ST7: variants seen among roughly 807,000 people sequenced by gnomAD.
The protein encoded by ST7 is suppressor of tumorigenicity 7 protein.
In ST7, 28 loss-of-function variants were observed where a neutral mutation model predicts 78.7. That is an observed-to-expected ratio of 0.36 (90% CI 0.26 to 0.49). The LOEUF (loss-of-function observed/expected upper bound fraction) is 0.49. ST7 is among the 20% of genes least tolerant of loss of function. The probability of loss-of-function intolerance (pLI) is 0.99; values close to 1 mark genes in which losing one functional copy is unlikely to be tolerated. For synonymous variants in ST7, 247 were observed against 249.6 expected (o/e 0.99, Z 0.10); for missense variants, 418 against 696.0 (o/e 0.60, Z 4.49).
At chr7:117,107,431 A>AT (rs1179051198) in intron 2 of ST7, among the ~76,000 whole-genome samples, 2 of 151,548 alleles carry the variant, frequency 1.3e-5, no homozygotes, top group Admixed American at 1.3e-4. Flanking sequence ...CATATCTATT[A>AT]TTTTTTTACT....
At chr7:117,051,639 A>C (rs979994737) in intron 1 of ST7, among the ~76,000 whole-genome samples, 2 of 152,224 alleles carry the variant, frequency 1.3e-5, no homozygotes, top group African/African-American at 4.8e-5. Context: ...CAGGAGTGGA[A>C]GCAGGAGGCC....
intron 9 of ST7, among the ~76,000 whole-genome samples, chr7:117,149,118 G>A (rs1044500983): frequency 1.3e-5 from 2 of 152,172 alleles, no homozygotes; most frequent in Non-Finnish European, 2.9e-5. Flanking sequence ...GTTAAGAGCA[G>A]ATACCCTGGT....
chr7:117,051,713 G>A (rs537668728), intron 1 of ST7, among the ~76,000 whole-genome samples: 1 of 152,324 alleles, frequency 6.6e-6, no homozygotes, highest in African/African-American at 2.4e-5. Context: ...TCAAGGTGGA[G>A]AGAGAGGGAG....
intron 5 of ST7, 102 bp from the exon 6 acceptor site, chr7:117,131,783 T>C: frequency 1.9e-6 from 2 of 1,039,916 alleles, no homozygotes; most frequent in Non-Finnish European, 2.9e-6. Context: ...AAATATGTTC[T>C]TGTAATTTAA....
chr7:117,009,369 A>C (rs890873072), intron 1 of ST7, among the ~76,000 whole-genome samples: 4 of 150,132 alleles, frequency 2.7e-5, no homozygotes, highest in Non-Finnish European at 5.9e-5. Context: ...CAATCATGTG[A>C]ACAGACCAAA....
chr7:116,958,879 G>C (rs1186430045), intron 1 of ST7, among the ~76,000 whole-genome samples: 1 of 152,182 alleles, frequency 6.6e-6, no homozygotes, highest in Non-Finnish European at 1.5e-5. Context: ...CTGGTAGAGA[G>C]TCTTGCCTTG....
intron 1 of ST7, among the ~76,000 whole-genome samples, chr7:117,036,663 A>G (rs1266564792): frequency 2.0e-5 from 3 of 152,290 alleles, no homozygotes; most frequent in African/African-American, 7.2e-5. Flanking sequence ...TTTAGGTGGC[A>G]ATTGTCTTTC....
chr7:116,970,793 A>G (rs1793377520), intron 1 of ST7, among the ~76,000 whole-genome samples: 1 of 152,102 alleles, frequency 6.6e-6, no homozygotes. Flanking sequence ...CTGTTTGTAT[A>G]TTCACTCTTT....
rs144913619 is a variant in ST7 at position 117,115,950 on chromosome 7, T to C, written c.235-3611T>C. Among the ~76,000 whole-genome samples, 217 of 152,280 alleles carry C rather than the reference T, an allele frequency of 1.4e-3. 2 individuals are homozygous for C. The East Asian group carries it at 0.022, about 15-fold the overall frequency. On this transcript the variant is annotated intron_variant, in intron 2 of 15. Coordinates refer to ENST00000323984, the MANE Select transcript of ST7 (RefSeq NM_001369598.1). ...TCATCCCTCCCTTTCTCTCTCCATC[T>C]CTTCATCCAACATCAACTGAATGCT...
At chr7:117,067,764 A>C (rs1424935010) in intron 1 of ST7, among the ~76,000 whole-genome samples, 1 of 152,246 alleles carries the variant, frequency 6.6e-6, no homozygotes, top group Admixed American at 6.5e-5. Flanking sequence ...GTTTGGTCAA[A>C]GACTCATACA....
chr7:116,953,740 G>A, intron 1 of ST7, 49 bp downstream of exon 1: 1 of 1,325,876 alleles, frequency 7.5e-7, no homozygotes, highest in Non-Finnish European at 9.9e-7. Flanking sequence ...CCCCGCCCCG[G>A]AAAGTTAGTG....
At chr7:117,100,841 G>A (rs2116808278) in intron 2 of ST7, among the ~76,000 whole-genome samples, 1 of 152,102 alleles carries the variant, frequency 6.6e-6, no homozygotes, top group African/African-American at 2.4e-5. Context: ...AAGGCAAAAA[G>A]GTTTTAGAAA....
chr7:117,218,330 A>G (rs193590), intron 13 of ST7, among the ~76,000 whole-genome samples: 88,085 of 151,964 alleles, frequency 0.58, 27,571 homozygotes, highest in East Asian at 0.89. Flanking sequence ...TGAGACTAAC[A>G]TGCTGATGAC....
intron 1 of ST7, among the ~76,000 whole-genome samples, chr7:117,092,857 C>T (rs998492616): frequency 2.0e-5 from 3 of 152,188 alleles, no homozygotes; most frequent in African/African-American, 7.2e-5. Context: ...GCCCAGTCTT[C>T]GGGCCTGGAA....
intron 14 of ST7, among the ~76,000 whole-genome samples, chr7:117,221,306 A>G (rs1793072287): frequency 6.6e-6 from 1 of 152,206 alleles, no homozygotes; most frequent in Non-Finnish European, 1.5e-5. Flanking sequence ...CAATTGTGCC[A>G]GATAACCCTA....
chr7:117,033,756 T>C (rs1411727843), intron 1 of ST7, among the ~76,000 whole-genome samples: 1 of 152,050 alleles, frequency 6.6e-6, no homozygotes, highest in Non-Finnish European at 1.5e-5. Context: ...CTGTTGTACT[T>C]TATAATGGAG....
At chr7:117,138,667 G>C (rs1805007531) in intron 9 of ST7, 135 bp downstream of exon 9, 1 of 546,062 alleles carries the variant, frequency 1.8e-6, no homozygotes, top group Non-Finnish European at 3.3e-6. Flanking sequence ...TTCAACTCTA[G>C]TTCCCAATTT....
intron 1 of ST7, among the ~76,000 whole-genome samples, chr7:117,067,645 G>A (rs1171262971): frequency 1.3e-5 from 2 of 152,122 alleles, no homozygotes; most frequent in African/African-American, 4.8e-5. Context: ...CTAGAAGGGT[G>A]GGAGATTGTG....
chr7:117,191,592 G>A (rs550175927), intron 12 of ST7: 2 of 152,204 alleles, frequency 1.3e-5, no homozygotes, highest in South Asian at 4.1e-4. Flanking sequence ...GGAGATGAAT[G>A]TGTATTTATT....
Sources: allele counts gnomAD v4.1 joint callset (sites outside exome capture counted in the v4.1 genomes callset), GRCh38; gene constraint gnomAD v4.1.1; transcripts MANE v1.5; gene names NCBI Gene and HGNC (gene_info 2026-07-23, HGNC 2026-07-21).